Variants in PTPN21 observed in about 807,000 individuals in gnomAD.
The protein encoded by PTPN21 is tyrosine-protein phosphatase non-receptor type 21.
Under a neutral mutation model 131.8 loss-of-function variants are expected in PTPN21, and 77 were observed. That is an observed-to-expected ratio of 0.58 (90% CI 0.49 to 0.71). PTPN21 has a LOEUF of 0.71. PTPN21 is among the 30% of genes least tolerant of loss of function. The probability of loss-of-function intolerance (pLI) is 0.00; values close to 1 mark genes in which losing one functional copy is unlikely to be tolerated. For missense variants in PTPN21, 1,552 were observed against 1,527.1 expected (o/e 1.02, Z -0.27); for synonymous variants, 715 against 621.3 (o/e 1.15, Z -2.24).
chr14:88,551,924 TC>T (rs1301154841), intron 1 of PTPN21: 2 of 152,240 alleles, frequency 1.3e-5, no homozygotes, highest in Admixed American at 6.5e-5. Flanking sequence ...ATTAGTTTTT[TC>T]CCCCTAAACG....
intron 13 of PTPN21, among the ~76,000 whole-genome samples, chr14:88,476,264 A>G (rs2077545612): frequency 6.6e-6 from 1 of 152,188 alleles, no homozygotes; most frequent in South Asian, 2.1e-4. Flanking sequence ...TACAATAGGG[A>G]ATTGGCCTCT....
rs2078851377 is a variant in PTPN21, at chr14:88,550,583, C to G, written c.-166G>C. On this transcript the variant is annotated 5_prime_UTR_variant, in exon 2 of 19. Coordinates refer to ENST00000556564, the MANE Select transcript of PTPN21 (RefSeq NM_007039.4). Reference sequence around the variant, plus strand: ...TGCCGCCATTAAAAAGCAACGGAGTCTCCAATGGCCCGAGGAAGGGAGCAT... The same window carrying G: ...TGCCGCCATTAAAAAGCAACGGAGTGTCCAATGGCCCGAGGAAGGGAGCAT... The G allele has an allele frequency of 1.5e-6, 1 of 654,296 alleles. No individual in the cohort carries two copies. Among genetic ancestry groups the G allele is most frequent in the East Asian group, 2.8e-5 (1 of 35,546 alleles). The allele number at this position is 654,296 out of a possible 1,614,324, so 40.5% of individuals were successfully genotyped here.
chr14:88,522,808 C>A (rs1281678701), intron 2 of PTPN21, among the ~76,000 whole-genome samples: 2 of 152,128 alleles, frequency 1.3e-5, no homozygotes, highest in East Asian at 1.9e-4. Flanking sequence ...TCTACACATA[C>A]ATAATCAAGT....
chr14:88,517,712 G>GTGTGTATGTGTATATATAC (rs1231859031), intron 2 of PTPN21, among the ~76,000 whole-genome samples: 1 of 131,342 alleles, frequency 7.6e-6, no homozygotes, highest in Admixed American at 7.9e-5. Context: ...GTGTATATAT[G>GTGTGTATGTGTATATATAC]TGTGTATGTG....
intron 2 of PTPN21, among the ~76,000 whole-genome samples, chr14:88,522,288 T>A (rs1197245224): frequency 6.6e-6 from 1 of 150,962 alleles, no homozygotes; most frequent in Admixed American, 6.6e-5. Context: ...ATTAGCCGGG[T>A]ATGATGGTGG....
At chr14:88,542,363 G>C (rs1446561154) in intron 2 of PTPN21, among the ~76,000 whole-genome samples, 1 of 152,110 alleles carries the variant, frequency 6.6e-6, no homozygotes, top group Non-Finnish European at 1.5e-5. Flanking sequence ...AACACCATCA[G>C]TTCCCTCATG....
At chr14:88,528,603 G>A (rs2078513068) in intron 2 of PTPN21, among the ~76,000 whole-genome samples, 1 of 152,210 alleles carries the variant, frequency 6.6e-6, no homozygotes. Flanking sequence ...ACTGAATCAT[G>A]GGGGCAGCTC....
In PTPN21 at chr14:88,550,555, C is replaced by T. The variant is rs1038383093; in HGVS notation, c.-138G>A. 4.8e-6 allele frequency: 4 copies of T among 831,288 alleles called. No individual in the cohort carries two copies. Among genetic ancestry groups the T allele is most frequent in the East Asian group, 5.4e-5 (2 of 36,760 alleles). 51.5% of individuals were successfully genotyped at this position (831,288 alleles called of 1,614,324 possible). On this transcript the variant is annotated 5_prime_UTR_variant, in exon 2 of 19. Transcript: ENST00000556564. ...GGCCTCCAGCTGCTCACCCAGCAGC[C>T]GCTGCCGCCATTAAAAAGCAACGGA...
rs750346531 is a variant in PTPN21, at chr14:88,505,377, T to C, written c.449-6A>G. The C allele has an allele frequency of 1.4e-5, 22 of 1,582,082 alleles. No homozygotes were observed. The highest frequency in any genetic ancestry group is 1.7e-4 in the Middle Eastern group (1 of 5,974). ...ATCAAAGTCACCAAAATCCGCTATA[T>C]AGAATGACAAACATTCACGTTAATT... On this transcript the variant is annotated splice_polypyrimidine_tract_variant and splice_region_variant and intron_variant, in intron 4 of 18. Transcript: ENST00000556564.
intron 7 of PTPN21, 128 bp downstream of exon 7, chr14:88,501,153 G>C: frequency 2.3e-6 from 2 of 882,892 alleles, no homozygotes; most frequent in Non-Finnish European, 3.6e-6. Flanking sequence ...CAGGACCTCA[G>C]CTTTTAAGTT....
At chr14:88,512,676 C>T (rs1369335373) in intron 3 of PTPN21, 1 of 152,182 alleles carries the variant, frequency 6.6e-6, no homozygotes, top group East Asian at 1.9e-4. Flanking sequence ...ATATAGTAGC[C>T]ATTAGCCACA....
At chr14:88,476,888 A>G (rs2077554319) in intron 13 of PTPN21, among the ~76,000 whole-genome samples, 1 of 152,238 alleles carries the variant, frequency 6.6e-6, no homozygotes, top group Admixed American at 6.5e-5. Context: ...TTCTTTTAAG[A>G]GAACCAAATT....
Position 88,472,334 on chromosome 14 carries a change from G to A in PTPN21, c.2781C>T (p.Phe927=), listed in dbSNP as rs563764781. Residue 927 remains phenylalanine, a synonymous_variant, in exon 15 of 19, where the codon TTC becomes TTT. Transcript: ENST00000556564. ...RLPENAERNR[F]QDVLPYDDVR... ...CATCATCATAAGGAAGAACATCTTG[G>A]AATCGATTTCTTTCTGCATTTTCAG... 3.1e-6 allele frequency: 5 copies of A among 1,613,722 alleles called. No individual in the cohort carries two copies. The highest frequency in any genetic ancestry group is 2.2e-5 in the South Asian group (2 of 91,064).
At chr14:88,470,741 C>T (rs2077450585) in intron 15 of PTPN21, among the ~76,000 whole-genome samples, 1 of 152,248 alleles carries the variant, frequency 6.6e-6, no homozygotes. Context: ...CATCGTCTCA[C>T]TGAGCACCCA....
At chr14:88,483,455 C>T (rs1391509241) in intron 12 of PTPN21, among the ~76,000 whole-genome samples, 1 of 151,864 alleles carries the variant, frequency 6.6e-6, no homozygotes, top group Non-Finnish European at 1.5e-5. Flanking sequence ...GGGGGATGCT[C>T]TCAGGCTCTA....
rs2077602885 is a variant in PTPN21 at position 88,479,456 on chromosome 14, C to A, written c.1975G>T (p.Ala659Ser). Residue 659 changes from alanine (A) to serine (S), a missense_variant, in exon 13 of 19, where the codon GCG becomes TCG. Around this residue, in one of 4 missense-constraint regions of PTPN21, gnomAD observed 1,016 missense variants for 883.5 expected, o/e 1.15. Transcript: ENST00000556564. ...CGCGGCGCCACCTCTGCCGCCGACG[C>A]GGATAGGGTGCGCTCCTTGAGCCGC... Reference protein sequence around the residue: ...GLRLKERTLSASAAEVAPRAV... With the variant: ...GLRLKERTLSSSAAEVAPRAV... 1.2e-6 allele frequency: 2 copies of A among 1,602,424 alleles called. No individual in the cohort carries two copies. The highest frequency in any genetic ancestry group is 2.7e-5 in the African/African-American group (2 of 74,852).
chr14:88,518,173 G>A (rs1401558132), intron 2 of PTPN21, among the ~76,000 whole-genome samples: 1 of 105,064 alleles, frequency 9.5e-6, no homozygotes, highest in Non-Finnish European at 1.8e-5. Flanking sequence ...AGTTTTTGCT[G>A]TTGTTCTTCT....
chr14:88,523,422 G>C (rs556112977), intron 2 of PTPN21, among the ~76,000 whole-genome samples: 6 of 152,056 alleles, frequency 3.9e-5, no homozygotes, highest in Admixed American at 6.6e-5. Flanking sequence ...TAGAAAACTA[G>C]GAATAGAAGA....
At chr14:88,543,711 CA>C (rs2139358498) in intron 2 of PTPN21, among the ~76,000 whole-genome samples, 1 of 152,280 alleles carries the variant, frequency 6.6e-6, no homozygotes, top group African/African-American at 2.4e-5. Flanking sequence ...ATTTAAAAAA[CA>C]TTTCGTAAAG....
Sources: gnomAD v4.1 joint callset for allele counts (sites outside exome capture counted in the v4.1 genomes callset) on GRCh38, gnomAD v4.1.1 for gene constraint, gnomAD v4.1.1 regional missense constraint, MANE v1.5 for transcripts, NCBI Gene and HGNC (gene_info 2026-07-23, HGNC 2026-07-21) for gene names.